Variants in ACACA observed in about 807,000 individuals in gnomAD.
The protein encoded by ACACA is acetyl-CoA carboxylase 1.
In ACACA, 103 loss-of-function variants were observed where a neutral mutation model predicts 296.1. The ratio of observed to expected loss-of-function variants is 0.35; its 90% CI spans 0.30 to 0.41. The LOEUF (loss-of-function observed/expected upper bound fraction) is 0.41. Ranked by LOEUF, ACACA falls within the 10% of genes least tolerant of loss-of-function variation. ACACA has a pLI of 1.00. For missense variants in ACACA, 1,554 were observed against 2,989.7 expected, an observed-to-expected ratio of 0.52 and a Z score of 11.20; for synonymous variants, 953 against 1,038.6, an observed-to-expected ratio of 0.92 and a Z score of 1.58.
At chr17:37,168,037 G>A (rs2076749893) in intron 41 of ACACA, among the ~76,000 whole-genome samples, 1 of 152,184 alleles carries the variant, frequency 6.6e-6, no homozygotes, top group African/African-American at 2.4e-5. Flanking sequence ...CTGAGACTCT[G>A]AATCTGAATC....
rs939134698 is a variant in ACACA at position 37,086,105 on chromosome 17, A to C, written c.*1211T>G. The C allele has an allele frequency of 3.4e-6, 1 of 292,960 alleles. No individual in the cohort carries two copies. The highest frequency in any genetic ancestry group is 6.2e-6 in the Non-Finnish European group (1 of 160,020). The allele number at this position is 292,960 out of a possible 1,614,324, so 18.1% of individuals were successfully genotyped here. A position where few individuals can be genotyped will look rare whatever the true frequency, so the allele number is the denominator to read the frequency against. On this transcript the variant is annotated 3_prime_UTR_variant, in exon 56 of 56. Coordinates refer to ENST00000616317, the MANE Select transcript of ACACA (RefSeq NM_198834.3). ...GCAGCACCATGACTGAGTTGTAAAT[A>C]ATCTTAAGGTCATGTGGATTCTGTG...
chr17:37,250,467 G>A (rs1299189972), intron 16 of ACACA, among the ~76,000 whole-genome samples: 1 of 151,958 alleles, frequency 6.6e-6, no homozygotes, highest in East Asian at 1.9e-4. Flanking sequence ...TTGAAACTCC[G>A]TCTCTACTAA....
intron 18 of ACACA, 138 bp from the exon 19 acceptor site, chr17:37,247,114 T>C: frequency 1.1e-6 from 1 of 917,896 alleles, no homozygotes; most frequent in Non-Finnish European, 1.7e-6. Context: ...CACTGCATAT[T>C]TGTTTACAAT....
At chr17:37,378,089 C>A in intron 1 of ACACA, 1 of 865,140 alleles carries the variant, frequency 1.2e-6, no homozygotes, top group Non-Finnish European at 1.8e-6. Flanking sequence ...GGATATGTAT[C>A]CTCCCAGGGG....
At chr17:37,390,204 T>TAA (rs1483371715) in intron 1 of ACACA, among the ~76,000 whole-genome samples, 48 of 82,512 alleles carry the variant, frequency 5.8e-4, no homozygotes, top group Middle Eastern at 5.1e-3. Flanking sequence ...TAAATATATA[T>TAA]AATTATATAT....
chr17:37,289,216 C>T (rs886755476), intron 3 of ACACA, among the ~76,000 whole-genome samples: 5 of 151,840 alleles, frequency 3.3e-5, no homozygotes, highest in African/African-American at 1.2e-4. Flanking sequence ...GAGCCAAGAT[C>T]ACGCCACTGC....
intron 10 of ACACA, among the ~76,000 whole-genome samples, chr17:37,266,306 C>T (rs930620743): frequency 2.6e-5 from 4 of 151,726 alleles, no homozygotes; most frequent in East Asian, 3.9e-4. Context: ...CCCAACTACT[C>T]GGGAGGCTGA....
In ACACA at chr17:37,085,959, T is replaced by C; in HGVS notation, c.*1357A>G. The C allele has an allele frequency of 2.5e-6, 1 of 398,084 alleles. No individual in the cohort carries two copies. Among genetic ancestry groups the C allele is most frequent in the Non-Finnish European group, 4.4e-6 (1 of 226,010 alleles). 24.7% of individuals were successfully genotyped at this position (398,084 alleles called of 1,614,324 possible). ...CCCTGATCACCTGCCACTCTTGCTTTAGGAACAGAGGAATCAGTAAGTTCT... is the reference window on the plus strand; with the variant it reads ...CCCTGATCACCTGCCACTCTTGCTTCAGGAACAGAGGAATCAGTAAGTTCT... On this transcript the variant is annotated 3_prime_UTR_variant, in exon 56 of 56. Coordinates refer to ENST00000616317, the MANE Select transcript of ACACA (RefSeq NM_198834.3).
At chr17:37,306,142 T>C (rs1907841151) in intron 3 of ACACA, among the ~76,000 whole-genome samples, 1 of 152,070 alleles carries the variant, frequency 6.6e-6, no homozygotes, top group South Asian at 2.1e-4. Flanking sequence ...TCTCCTGACC[T>C]TGTGATCCGC....
chr17:37,375,963 T>G, intron 1 of ACACA: 1 of 677,224 alleles, frequency 1.5e-6, no homozygotes, highest in Non-Finnish European at 2.6e-6. Flanking sequence ...ATAATCAGGG[T>G]GGAATCAGAG....
chr17:37,127,319 C>T (rs1253682849), intron 47 of ACACA, among the ~76,000 whole-genome samples: 2 of 152,166 alleles, frequency 1.3e-5, no homozygotes, highest in Non-Finnish European at 2.9e-5. Flanking sequence ...TTTGGAACTA[C>T]AGAATTAACT....
intron 29 of ACACA, among the ~76,000 whole-genome samples, chr17:37,214,948 T>C (rs2078917736): frequency 6.6e-6 from 1 of 152,190 alleles, no homozygotes; most frequent in South Asian, 2.1e-4. Flanking sequence ...ATTATCAGAA[T>C]TCTTGAGAAT....
Position 37,258,350 on chromosome 17 carries a change from A to G in ACACA, c.1524T>C (p.Tyr508=). 2 of 1,614,100 alleles carry G rather than the reference A, an allele frequency of 1.2e-6. No homozygotes were observed. Among genetic ancestry groups the G allele is most frequent in the Non-Finnish European group, 1.7e-6 (2 of 1,179,954 alleles). The change falls in exon 13 of 56, where the codon TAT becomes TAC. Residue 508 remains tyrosine (Y), a synonymous_variant. Transcript: ENST00000616317. ...ACATCATACGGATATCCTTGATTCTATATAGAGGAATCCCCATGGCAATCT... is the reference window on the plus strand; with the variant it reads ...ACATCATACGGATATCCTTGATTCTGTATAGAGGAATCCCCATGGCAATCT... ...QLQIAMGIPL[Y]RIKDIRMMYG... is the part of the protein sequence containing the mutation.
intron 41 of ACACA, among the ~76,000 whole-genome samples, chr17:37,172,155 A>G (rs1253326969): frequency 1.3e-5 from 2 of 152,194 alleles, no homozygotes; most frequent in African/African-American, 4.8e-5. Flanking sequence ...ACAGGTATAA[A>G]TATGCTGGCA....
At chr17:37,380,264 G>A (rs1568078772) in intron 1 of ACACA, among the ~76,000 whole-genome samples, 1 of 136,046 alleles carries the variant, frequency 7.4e-6, no homozygotes, top group African/African-American at 2.8e-5. Flanking sequence ...ATCAGACTCT[G>A]GGGACTGTTG....
At chr17:37,156,785 T>A (rs1040675676) in intron 42 of ACACA, among the ~76,000 whole-genome samples, 23 of 152,252 alleles carry the variant, frequency 1.5e-4, no homozygotes, top group African/African-American at 5.3e-4. Flanking sequence ...GGAAGCATTT[T>A]AAATACTATG....
At chr17:37,100,413 C>G (rs940982070) in intron 52 of ACACA, among the ~76,000 whole-genome samples, 7 of 152,072 alleles carry the variant, frequency 4.6e-5, no homozygotes, top group African/African-American at 1.7e-4. Context: ...AAGGACAGAA[C>G]ATGACTTCCG....
At chr17:37,280,903 A>G (rs2082490105) in intron 5 of ACACA, among the ~76,000 whole-genome samples, 1 of 152,094 alleles carries the variant, frequency 6.6e-6, no homozygotes, top group African/African-American at 2.4e-5. Flanking sequence ...TCTTGTAGCC[A>G]TCCGTAATTT....
intron 3 of ACACA, among the ~76,000 whole-genome samples, chr17:37,329,681 C>A (rs2047780306): frequency 6.8e-6 from 1 of 147,846 alleles, no homozygotes; most frequent in Admixed American, 6.9e-5. Flanking sequence ...GTAGCTCACA[C>A]CTCTAATCCC....
Sources: allele counts gnomAD v4.1 joint callset (sites outside exome capture counted in the v4.1 genomes callset), GRCh38; gene constraint gnomAD v4.1.1; transcripts MANE v1.5; gene names NCBI Gene and HGNC (gene_info 2026-07-23, HGNC 2026-07-21).